The following IMPG1 variants were observed in gnomAD, a reference collection of about 807,000 sequenced individuals.
The protein encoded by IMPG1 is interphotoreceptor matrix proteoglycan of 150 kDa.
Under a neutral mutation model 92.0 loss-of-function variants are expected in IMPG1, and 85 were observed. The ratio of observed to expected loss-of-function variants is 0.92; its 90% CI spans 0.78 to 1.11. The LOEUF (loss-of-function observed/expected upper bound fraction) is 1.11. Ranked by LOEUF, IMPG1 falls within the 50% of genes least tolerant of loss-of-function variation. The probability of loss-of-function intolerance (pLI) is 0.00; values close to 1 mark genes in which losing one functional copy is unlikely to be tolerated. For missense variants in IMPG1, 1,022 were observed against 956.0 expected, an observed-to-expected ratio of 1.07 and a Z score of -0.91; for synonymous variants, 367 against 334.1, an observed-to-expected ratio of 1.10 and a Z score of -1.08.
chr6:75,929,983 G>GA (rs903049977), intron 15 of IMPG1, among the ~76,000 whole-genome samples: 5 of 150,950 alleles, frequency 3.3e-5, no homozygotes, highest in Non-Finnish European at 5.9e-5. Context: ...GTTTGTGTTT[G>GA]AAAAAAAAAT....
At chr6:76,042,620 C>T (rs1219991752) in intron 1 of IMPG1, among the ~76,000 whole-genome samples, 2 of 152,248 alleles carry the variant, frequency 1.3e-5, no homozygotes, top group East Asian at 3.9e-4. Context: ...ATGGGCAGGG[C>T]TCAGAGCATG....
At chr6:76,048,998 C>A (rs1425022667) in intron 1 of IMPG1, among the ~76,000 whole-genome samples, 1 of 152,180 alleles carries the variant, frequency 6.6e-6, no homozygotes, top group African/African-American at 2.4e-5. Flanking sequence ...TACTTATATA[C>A]CATGGACTAC....
intron 12 of IMPG1, among the ~76,000 whole-genome samples, chr6:75,989,277 G>A (rs756813750): frequency 2.8e-4 from 42 of 152,226 alleles, no homozygotes; most frequent in Non-Finnish European, 5.6e-4. Context: ...ATACTGTACA[G>A]CATCATGTAC....
intron 12 of IMPG1, among the ~76,000 whole-genome samples, chr6:75,960,342 G>GT (rs752383820): frequency 1.4e-4 from 22 of 152,288 alleles, no homozygotes; most frequent in Non-Finnish European, 3.1e-4. Context: ...AAAAAAAGAT[G>GT]TTTTTTGTGA....
chr6:75,986,165 A>G (rs377423598), intron 12 of IMPG1, among the ~76,000 whole-genome samples: 7 of 152,134 alleles, frequency 4.6e-5, no homozygotes, highest in African/African-American at 1.7e-4. Context: ...TATTACATTT[A>G]CATATTATCT....
intron 7 of IMPG1, among the ~76,000 whole-genome samples, chr6:76,016,856 C>T (rs1210095539): frequency 6.6e-6 from 1 of 152,130 alleles, no homozygotes; most frequent in East Asian, 1.9e-4. Context: ...AAGAACAGCT[C>T]CTGTTCTCTA....
At chr6:76,045,746 A>G (rs1013775579) in intron 1 of IMPG1, among the ~76,000 whole-genome samples, 6 of 152,194 alleles carry the variant, frequency 3.9e-5, no homozygotes, top group African/African-American at 1.4e-4. Context: ...GAGTAAGGCA[A>G]TTAGACCAGA....
At chr6:75,976,388 C>T (rs1684027256) in intron 12 of IMPG1, among the ~76,000 whole-genome samples, 1 of 152,022 alleles carries the variant, frequency 6.6e-6, no homozygotes, top group Admixed American at 6.6e-5. Context: ...ATGGTGAAAC[C>T]ACGTCTCTAC....
chr6:75,966,725 G>A (rs1028998891), intron 12 of IMPG1, among the ~76,000 whole-genome samples: 22 of 152,136 alleles, frequency 1.4e-4, no homozygotes, highest in Non-Finnish European at 2.8e-4. Context: ...AAAGAACAAA[G>A]TTCAGAAACT....
rs1781435430 is a variant in IMPG1, at chr6:75,921,819, A to G, written c.*270T>C. On this transcript the variant is annotated 3_prime_UTR_variant, in exon 17 of 17. Coordinates refer to ENST00000369950, the MANE Select transcript of IMPG1 (RefSeq NM_001563.4). ...AAGGTGGAAGCAAACCTGGCTTATG[A>G]TCATTTTGACTATCATCCAAGAATA... 3.7e-6 allele frequency: 1 copy of G among 267,252 alleles called. No individual in the cohort carries two copies. Among genetic ancestry groups the G allele is most frequent in the South Asian group, 6.2e-5 (1 of 16,160 alleles). The allele number at this position is 267,252 out of a possible 1,614,324, so 16.6% of individuals were successfully genotyped here. A position where few individuals can be genotyped will look rare whatever the true frequency, so the allele number is the denominator to read the frequency against.
intron 1 of IMPG1, among the ~76,000 whole-genome samples, chr6:76,048,695 CT>C (rs1048169843): frequency 6.6e-6 from 1 of 152,194 alleles, no homozygotes; most frequent in Non-Finnish European, 1.5e-5. Context: ...AAAATCCTCT[CT>C]CTATAGCATG....
At chr6:75,954,944 A>G (rs1352948496) in intron 12 of IMPG1, among the ~76,000 whole-genome samples, 1 of 152,124 alleles carries the variant, frequency 6.6e-6, no homozygotes, top group Non-Finnish European at 1.5e-5. Context: ...ATTATTTCTG[A>G]GGCCTCTGTT....
chr6:76,012,896 G>A (rs1331610439), intron 7 of IMPG1, among the ~76,000 whole-genome samples: 1 of 152,102 alleles, frequency 6.6e-6, no homozygotes, highest in Non-Finnish European at 1.5e-5. Flanking sequence ...AACCCCGACT[G>A]TCTTCCATTC....
intron 2 of IMPG1, among the ~76,000 whole-genome samples, chr6:76,040,915 C>T (rs1244779470): frequency 1.3e-5 from 2 of 152,124 alleles, no homozygotes; most frequent in Non-Finnish European, 2.9e-5. Flanking sequence ...CAACACATCA[C>T]AGGCTGGAAT....
At chr6:76,008,112 T>G (rs1242448815) in intron 8 of IMPG1, among the ~76,000 whole-genome samples, 1 of 152,182 alleles carries the variant, frequency 6.6e-6, no homozygotes, top group Non-Finnish European at 1.5e-5. Flanking sequence ...ACAATTTACA[T>G]GCATTCTCAT....
intron 12 of IMPG1, among the ~76,000 whole-genome samples, chr6:75,990,569 C>T (rs1471605097): frequency 6.9e-6 from 1 of 145,716 alleles, no homozygotes; most frequent in Non-Finnish European, 1.5e-5. Context: ...GCCTGAGCAA[C>T]ATTAGGAGAC....
intron 12 of IMPG1, among the ~76,000 whole-genome samples, chr6:75,972,257 C>T (rs1307993397): frequency 2.6e-5 from 4 of 152,264 alleles, no homozygotes; most frequent in East Asian, 1.9e-4. Context: ...TGCCCAGCCC[C>T]GTTCCCTCCC....
At chr6:75,937,739 T>C (rs1168992142) in intron 14 of IMPG1, among the ~76,000 whole-genome samples, 1 of 152,210 alleles carries the variant, frequency 6.6e-6, no homozygotes, top group South Asian at 2.1e-4. Flanking sequence ...AATTATGCCT[T>C]TTCCAGGGAA....
intron 4 of IMPG1, among the ~76,000 whole-genome samples, chr6:76,029,928 C>T (rs144748640): frequency 1.8e-3 from 270 of 152,100 alleles, no homozygotes; most frequent in African/African-American, 5.7e-3. Flanking sequence ...TGTAACCCCC[C>T]GAGACATATT....
Sources: allele counts gnomAD v4.1 joint callset (sites outside exome capture counted in the v4.1 genomes callset), GRCh38; gene constraint gnomAD v4.1.1; transcripts MANE v1.5; gene names NCBI Gene and HGNC (gene_info 2026-07-23, HGNC 2026-07-21).